Variants in KMT2E observed in about 807,000 individuals in gnomAD.
KMT2E encodes the protein histone reader KMT2E.
A neutral mutation model predicts 184.6 loss-of-function variants in KMT2E; 30 were observed. That is an observed-to-expected ratio of 0.16 (90% CI 0.12 to 0.22). The LOEUF (loss-of-function observed/expected upper bound fraction) is 0.22. KMT2E is among the 10% of genes least tolerant of loss of function. KMT2E has a pLI of 1.00. For synonymous variants in KMT2E, 815 were observed against 776.5 expected, an observed-to-expected ratio of 1.05 and a Z score of -0.82; for missense variants, 2,023 against 2,237.4, an observed-to-expected ratio of 0.90 and a Z score of 1.93.
chr7:105,061,471 A>G (rs968238598), intron 3 of KMT2E, among the ~76,000 whole-genome samples: 1 of 152,214 alleles, frequency 6.6e-6, no homozygotes, highest in Non-Finnish European at 1.5e-5. Flanking sequence ...GAATTAACCA[A>G]GTAGAGCTCA....
intron 15 of KMT2E, chr7:105,091,577 C>A (rs1562921751): frequency 1.8e-6 from 1 of 544,720 alleles, no homozygotes; most frequent in Non-Finnish European, 3.2e-6. Context: ...AATAATGCCA[C>A]ACTGAACTAT....
At chr7:105,084,241 T>A (rs1159877697) in intron 13 of KMT2E, among the ~76,000 whole-genome samples, 1 of 152,170 alleles carries the variant, frequency 6.6e-6, no homozygotes, top group Non-Finnish European at 1.5e-5. Context: ...CAATTCAACT[T>A]CTTCTTGCAA....
rs746286793 is a variant in KMT2E, at chr7:105,086,499, C to T, written c.1359-3510C>T. Among the ~76,000 whole-genome samples the T allele has an allele frequency of 9.2e-5, 14 of 152,040 alleles. No individual in the cohort carries two copies. The East Asian group carries it at 9.7e-4, about 10-fold the overall frequency. On this transcript the variant is annotated intron_variant, in intron 13 of 26. Transcript: ENST00000311117. ...CAGCACTGTGGGAGGCCATGGTGGG[C>T]GGATCACTTGAGGTCAGGAGATCGA...
chr7:105,111,327 T>C (rs992947763), intron 26 of KMT2E: 3 of 169,726 alleles, frequency 1.8e-5, no homozygotes, highest in Non-Finnish European at 3.8e-5. Flanking sequence ...TTTTTGATGA[T>C]TGACATTTAA....
Position 105,088,020 on chromosome 7 carries a change from T to G in KMT2E, c.1359-1989T>G, listed in dbSNP as rs151287988. Among the ~76,000 whole-genome samples the G allele has an allele frequency of 1.2e-4, 19 of 152,246 alleles. No individual in the cohort carries two copies. In the East Asian group the frequency reaches 3.5e-3, roughly 28 times the overall value. On this transcript the variant is annotated intron_variant, in intron 13 of 26. Transcript: ENST00000311117. Reference sequence around the variant, plus strand: ...TCCTTTAGTATCCCTTTCTACTGATTATTGCAGTCAGATTTATCATATCAT... The same window carrying G: ...TCCTTTAGTATCCCTTTCTACTGATGATTGCAGTCAGATTTATCATATCAT...
At chr7:105,108,744 TAATG>T in intron 22 of KMT2E, 194 bp from the exon 23 acceptor site, 1 of 560,118 alleles carries the variant, frequency 1.8e-6, no homozygotes, top group Middle Eastern at 3.5e-4. Context: ...ATAAATGAGA[TAATG>T]TATGTAAATC....
intron 22 of KMT2E, chr7:105,108,405 CATT>C (rs1276773141): frequency 3.2e-6 from 1 of 310,268 alleles, no homozygotes; most frequent in African/African-American, 2.2e-5. Context: ...CCTGATTTCC[CATT>C]ATTTGGTTGG....
chr7:105,111,953 C>A lies in KMT2E; in HGVS notation c.4197C>A (p.Leu1399=), dbSNP rs1584816825. 1 of 1,614,008 alleles carries A rather than the reference C, an allele frequency of 6.2e-7. No homozygotes were observed. The highest frequency in any genetic ancestry group is 1.7e-5 in the Admixed American group (1 of 59,996). ...ATGGTGTTCACCTAAAAACAGAGCT[C>A]CAACAAAAACAGCTATCAAATAACA... ...AENGVHLKTE[L]QQKQLSNNNQ... is the part of the protein sequence containing the mutation. Residue 1399 remains leucine (L), a synonymous_variant, in exon 27 of 27, where the codon CTC becomes CTA. Coordinates refer to ENST00000311117, the MANE Select transcript of KMT2E (RefSeq NM_182931.3).
At chr7:105,106,375 C>T in intron 19 of KMT2E, 147 bp from the exon 20 acceptor site, 1 of 765,350 alleles carries the variant, frequency 1.3e-6, no homozygotes, top group South Asian at 1.8e-5. Context: ...CATGTTAGTA[C>T]CATTTTTTTA....
intron 12 of KMT2E, among the ~76,000 whole-genome samples, chr7:105,079,537 TTTTTG>T (rs1797671788): frequency 7.3e-6 from 1 of 137,880 alleles, no homozygotes; most frequent in South Asian, 2.5e-4. Context: ...TTTTTTTTTT[TTTTTG>T]AGGCAGTGTC....
intron 3 of KMT2E, among the ~76,000 whole-genome samples, chr7:105,059,977 T>TTTTC (rs1796733429): frequency 9.0e-6 from 1 of 111,666 alleles, no homozygotes; most frequent in Non-Finnish European, 1.8e-5. Context: ...TTCTTGTTGT[T>TTTTC]GTTTTTTTTT....
At chr7:105,016,035 C>T (rs1794704190) in intron 1 of KMT2E, among the ~76,000 whole-genome samples, 1 of 151,908 alleles carries the variant, frequency 6.6e-6, no homozygotes, top group Non-Finnish European at 1.5e-5. Flanking sequence ...ATCTTTTATT[C>T]AATATGCCAA....
At chr7:105,060,902 A>G (rs1303076370) in intron 3 of KMT2E, among the ~76,000 whole-genome samples, 1 of 152,240 alleles carries the variant, frequency 6.6e-6, no homozygotes, top group Non-Finnish European at 1.5e-5. Context: ...ATAGTAGGCT[A>G]TACCATCTAG....
chr7:105,055,828 C>A (rs1796553690), intron 3 of KMT2E, among the ~76,000 whole-genome samples: 1 of 152,072 alleles, frequency 6.6e-6, no homozygotes. Context: ...ATTATGAAGG[C>A]TCCTGTGCAT....
rs1562904389 is a variant in KMT2E at position 105,068,636 on chromosome 7, TTTG to T, written c.497+1832_497+1834del. 2.6e-4 allele frequency among the ~76,000 whole-genome samples: 35 copies of T among 136,118 alleles called. 5 individuals are homozygous for T. Among genetic ancestry groups the T allele is most frequent in the East Asian group, 1.4e-3 (6 of 4,430 alleles). The allele number at this position is 136,118 out of a possible 152,430, so 89.3% of individuals were successfully genotyped here. A position where few individuals can be genotyped will look rare whatever the true frequency, so the allele number is the denominator to read the frequency against. ...CTGACTAGTTGTGGTTTTTTTTTTT[TTTG>T]TTTTTTTTTTTTTTTTGTAGGCACA... is the stretch of plus-strand genomic sequence containing the variant. On this transcript the variant is annotated intron_variant, in intron 6 of 26. Transcript: ENST00000311117.
intron 3 of KMT2E, among the ~76,000 whole-genome samples, chr7:105,047,917 A>G (rs997261652): frequency 2.6e-5 from 4 of 152,276 alleles, no homozygotes; most frequent in Non-Finnish European, 5.9e-5. Flanking sequence ...TTCTCCTACC[A>G]TAAACATTCC....
chr7:105,028,847 T>G (rs774160943), intron 1 of KMT2E, among the ~76,000 whole-genome samples: 34 of 152,152 alleles, frequency 2.2e-4, no homozygotes, highest in Non-Finnish European at 3.8e-4. Flanking sequence ...AAGGAGTGGC[T>G]GTTCAATAAT....
rs374911156 is a variant in KMT2E, at chr7:105,102,284, CATA to C, written c.2196+98_2196+100del. On this transcript the variant is annotated intron_variant, in intron 17 of 26. Transcript: ENST00000311117. ...TTTAAAAATTGGATTTTTAAGACCTCATAATAATAAGAGGCAGTTTTTATACTT... is the reference window on the plus strand; with the variant it reads ...TTTAAAAATTGGATTTTTAAGACCTCATAATAAGAGGCAGTTTTTATACTT... 367 of 1,104,740 alleles carry C rather than the reference CATA, an allele frequency of 3.3e-4. 1 individual carries two copies. In the East Asian group the frequency reaches 3.6e-3, roughly 11 times the overall value. The allele number at this position is 1,104,740 out of a possible 1,614,324, so 68.4% of individuals were successfully genotyped here. A position where few individuals can be genotyped will look rare whatever the true frequency, so the allele number is the denominator to read the frequency against.
At chr7:105,071,744 A>C (rs1035748393) in intron 6 of KMT2E, among the ~76,000 whole-genome samples, 24 of 146,230 alleles carry the variant, frequency 1.6e-4, no homozygotes, top group African/African-American at 6.0e-4. Context: ...GGCGTGGGCC[A>C]CCACGCCCGG....
Sources: allele counts gnomAD v4.1 joint callset (sites outside exome capture counted in the v4.1 genomes callset), GRCh38; gene constraint gnomAD v4.1.1; transcripts MANE v1.5; gene names NCBI Gene and HGNC (gene_info 2026-07-23, HGNC 2026-07-21).